The following RNF180 variants were observed in gnomAD, a reference collection of about 807,000 sequenced individuals.
RNF180 encodes the protein ring finger protein 180.
In RNF180, 38 loss-of-function variants were observed where a neutral mutation model predicts 59.2. The ratio of observed to expected loss-of-function variants is 0.64; its 90% CI spans 0.50 to 0.84. The LOEUF is 0.84. Among genes scored for constraint, RNF180 ranks in the 40% least tolerant of loss-of-function variants. The probability of loss-of-function intolerance (pLI) is 0.00; values close to 1 mark genes in which losing one functional copy is unlikely to be tolerated. For missense variants in RNF180, 705 were observed against 700.9 expected (o/e 1.01, Z -0.07); for synonymous variants, 262 against 240.3 (o/e 1.09, Z -0.84).
chr5:64,199,299 T>G (rs1156967896), intron 1 of RNF180, among the ~76,000 whole-genome samples: 1 of 152,178 alleles, frequency 6.6e-6, no homozygotes, highest in Non-Finnish European at 1.5e-5. Flanking sequence ...ACCTTTAAAG[T>G]TGATTACTGT....
intron 5 of RNF180, among the ~76,000 whole-genome samples, chr5:64,266,300 G>A (rs1744674850): frequency 6.6e-6 from 1 of 152,098 alleles, no homozygotes; most frequent in Admixed American, 6.6e-5. Context: ...GATTCTATGA[G>A]GGTTGCCAAG....
intron 1 of RNF180, among the ~76,000 whole-genome samples, chr5:64,176,257 T>C (rs1304470204): frequency 6.6e-6 from 1 of 152,170 alleles, no homozygotes; most frequent in Non-Finnish European, 1.5e-5. Flanking sequence ...TTCCAATTTA[T>C]TGGCATATAG....
At chr5:64,231,034 G>A (rs1319037342) in intron 5 of RNF180, among the ~76,000 whole-genome samples, 1 of 152,158 alleles carries the variant, frequency 6.6e-6, no homozygotes, top group Non-Finnish European at 1.5e-5. Context: ...GATCAAGAAA[G>A]GTAAAAGGCA....
In RNF180 at chr5:64,252,920, C is replaced by T. The variant is rs191580663; in HGVS notation, c.1227+35524C>T. On this transcript the variant is annotated intron_variant, in intron 5 of 7. Coordinates refer to ENST00000389100, the MANE Select transcript of RNF180 (RefSeq NM_001113561.2). ...CCATTCACCACCATCACCATCACCA[C>T]CCCCCGCCCCAGCACACACACACCT... is the stretch of plus-strand genomic sequence containing the variant. 2.4e-4 allele frequency among the ~76,000 whole-genome samples: 37 copies of T among 152,000 alleles called. 2 individuals carry two copies. Among genetic ancestry groups the T allele is most frequent in the African/African-American group, 3.9e-4 (16 of 41,466 alleles).
At chr5:64,331,720 AC>A (rs1744915432) in intron 7 of RNF180, among the ~76,000 whole-genome samples, 1 of 152,116 alleles carries the variant, frequency 6.6e-6, no homozygotes, top group South Asian at 2.1e-4. Flanking sequence ...GACTAAAAGA[AC>A]TGTAACACAA....
chr5:64,198,865 G>A (rs1414602820), intron 1 of RNF180, among the ~76,000 whole-genome samples: 2 of 151,876 alleles, frequency 1.3e-5, no homozygotes, highest in Non-Finnish European at 2.9e-5. Flanking sequence ...GCCCAGGCTG[G>A]AGTGCAGTGG....
chr5:64,168,750 T>A (rs572999710), intron 1 of RNF180, among the ~76,000 whole-genome samples: 1 of 152,296 alleles, frequency 6.6e-6, no homozygotes, highest in African/African-American at 2.4e-5. Context: ...AATATAAAAT[T>A]GCTATTTCCA....
At chr5:64,351,718 G>C (rs1302174569) in intron 7 of RNF180, among the ~76,000 whole-genome samples, 1 of 151,372 alleles carries the variant, frequency 6.6e-6, no homozygotes, top group Non-Finnish European at 1.5e-5. Context: ...ATTGATTTTC[G>C]TATGTTGAAC....
At chr5:64,290,736 C>T (rs1392612509) in intron 5 of RNF180, among the ~76,000 whole-genome samples, 3 of 152,100 alleles carry the variant, frequency 2.0e-5, no homozygotes, top group South Asian at 2.1e-4. Flanking sequence ...GGTAAAATTT[C>T]CTCCATCCCT....
intron 5 of RNF180, among the ~76,000 whole-genome samples, chr5:64,244,518 G>A (rs1020130873): frequency 4.6e-5 from 7 of 152,008 alleles, no homozygotes; most frequent in Non-Finnish European, 7.4e-5. Flanking sequence ...AATGAAATAA[G>A]GTATGAAGAC....
At chr5:64,342,272 G>A (rs1452197482) in intron 7 of RNF180, among the ~76,000 whole-genome samples, 1 of 152,128 alleles carries the variant, frequency 6.6e-6, no homozygotes, top group Non-Finnish European at 1.5e-5. Context: ...TAAAACTCCA[G>A]TATGATCAGA....
chr5:64,355,933 G>T (rs1237963054), intron 7 of RNF180, among the ~76,000 whole-genome samples: 1 of 151,780 alleles, frequency 6.6e-6, no homozygotes, highest in Non-Finnish European at 1.5e-5. Context: ...AAAATAAAGA[G>T]GGGTAAATAT....
intron 5 of RNF180, among the ~76,000 whole-genome samples, chr5:64,288,420 C>A (rs1243989546): frequency 6.6e-6 from 1 of 152,108 alleles, no homozygotes; most frequent in Non-Finnish European, 1.5e-5. Context: ...TAAATAGTTT[C>A]TTCTAATTCA....
chr5:64,294,215 A>G (rs1178683531), intron 5 of RNF180, among the ~76,000 whole-genome samples: 1 of 152,204 alleles, frequency 6.6e-6, no homozygotes, highest in African/African-American at 2.4e-5. Flanking sequence ...TTATAACTCA[A>G]AGGATTAAAA....
At chr5:64,263,289 A>G (rs1463757930) in intron 5 of RNF180, among the ~76,000 whole-genome samples, 1 of 152,198 alleles carries the variant, frequency 6.6e-6, no homozygotes, top group Non-Finnish European at 1.5e-5. Context: ...ATATTTCTCC[A>G]GTGAGAAGCC....
At chr5:64,369,320 C>T (rs1448439370) in intron 7 of RNF180, among the ~76,000 whole-genome samples, 2 of 151,172 alleles carry the variant, frequency 1.3e-5, no homozygotes, top group Non-Finnish European at 3.0e-5. Flanking sequence ...TGGGGTGGGG[C>T]GAGTGGGAAG....
intron 7 of RNF180, among the ~76,000 whole-genome samples, chr5:64,353,635 C>G (rs1745902932): frequency 6.6e-6 from 1 of 151,568 alleles, no homozygotes; most frequent in Non-Finnish European, 1.5e-5. Flanking sequence ...TATTATAGCC[C>G]TATTAACTAA....
chr5:64,369,635 C>G lies in RNF180; in HGVS notation c.1600C>G (p.Pro534Ala). 1 of 1,521,942 alleles carries G rather than the reference C, an allele frequency of 6.6e-7. No individual in the cohort carries two copies. Among genetic ancestry groups the G allele is most frequent in the Non-Finnish European group, 8.8e-7 (1 of 1,137,214 alleles). The allele number at this position is 1,521,942 out of a possible 1,614,324, so 94.3% of individuals were successfully genotyped here. A position where few individuals can be genotyped will look rare whatever the true frequency, so the allele number is the denominator to read the frequency against. The change falls in exon 8 of 8, where the codon CCA becomes GCA. Residue 534 changes from proline (P) to alanine (A), a missense_variant. Transcript: ENST00000389100. The part of the protein sequence containing the change: ...LFGGFRRHAA[P>A]VTRRQFPHGA... ...TCTAGGTTTCCGCAGACATGCAGCT[C>G]CAGTTACAAGAAGGCAGTTCCCACA... is the stretch of plus-strand genomic sequence containing the variant.
chr5:64,346,323 G>A (rs997953406), intron 7 of RNF180, among the ~76,000 whole-genome samples: 2 of 148,410 alleles, frequency 1.3e-5, no homozygotes, highest in East Asian at 2.0e-4. Context: ...AAACAATTCC[G>A]GCTACTAGTT....
Sources: allele counts gnomAD v4.1 joint callset (sites outside exome capture counted in the v4.1 genomes callset), GRCh38; gene constraint gnomAD v4.1.1; transcripts MANE v1.5; gene names NCBI Gene and HGNC (gene_info 2026-07-23, HGNC 2026-07-21).